The following RYR2 variants were observed in gnomAD, a reference collection of about 807,000 sequenced individuals.
RYR2 encodes cardiac muscle ryanodine receptor-calcium release channel.
A neutral mutation model predicts 601.1 loss-of-function variants in RYR2; 227 were observed. The ratio of observed to expected loss-of-function variants is 0.38; its 90% confidence interval spans 0.34 to 0.42. The LOEUF (loss-of-function observed/expected upper bound fraction) is 0.42. Ranked by LOEUF, RYR2 falls within the 10% of genes least tolerant of loss-of-function variation. RYR2 has a pLI of 1.00. For missense variants in RYR2, 4,646 were observed against 6,156.5 expected, an observed-to-expected ratio of 0.75 and a Z score of 8.21; for synonymous variants, 2,223 against 2,175.1, an observed-to-expected ratio of 1.02 and a Z score of -0.61.
At chr1:237,335,384 T>A (rs1370893481) in intron 3 of RYR2, among the ~76,000 whole-genome samples, 1 of 152,162 alleles carries the variant, frequency 6.6e-6, no homozygotes, top group Non-Finnish European at 1.5e-5. Context: ...AGATATCAAG[T>A]GAGAGGTGAC....
At chr1:237,765,552 A>G (rs12404009) in intron 84 of RYR2, among the ~76,000 whole-genome samples, 7,242 of 152,296 alleles carry the variant, frequency 0.048, 240 homozygotes, top group Admixed American at 0.078. Flanking sequence ...AGCAACACAA[A>G]TTGATTAAGC....
Position 237,700,411 on chromosome 1 carries a change from T to C in RYR2, c.9311T>C (p.Met3104Thr). ...TACACCACAGTGGCCCTGCTGCCAATGCTGTCTTCATTATTTGAACATATT... is the reference window on the plus strand; with the variant it reads ...TACACCACAGTGGCCCTGCTGCCAACGCTGTCTTCATTATTTGAACATATT... ...INYTTVALLP[M>T]LSSLFEHIGQ... The change falls in exon 65 of 105, where the codon ATG becomes ACG. Residue 3104 changes from methionine to threonine, a missense_variant. Physicochemically the swap from Met to Thr is moderately conservative, Grantham distance 81. Around this residue, in one of 17 missense-constraint regions of RYR2, gnomAD observed 1,497 missense variants for 1,842.6 expected, o/e 0.81. Transcript: ENST00000366574. 1 of 1,610,136 alleles carries C rather than the reference T, an allele frequency of 6.2e-7. No homozygotes were observed. Among genetic ancestry groups the C allele is most frequent in the Non-Finnish European group, 8.5e-7 (1 of 1,177,996 alleles).
intron 87 of RYR2, among the ~76,000 whole-genome samples, chr1:237,777,412 C>T (rs1380419397): frequency 1.3e-5 from 2 of 152,176 alleles, no homozygotes; most frequent in African/African-American, 4.8e-5. Context: ...CTCTTCCAAT[C>T]ACTTGTTTCT....
chr1:237,481,127 C>CATATATATATATAT (rs764876848), intron 17 of RYR2, among the ~76,000 whole-genome samples: 13 of 145,476 alleles, frequency 8.9e-5, no homozygotes, highest in East Asian at 2.0e-4. Flanking sequence ...TATATATATA[C>CATATATATATATAT]ACACACATAT....
intron 4 of RYR2, 72 bp from the exon 5 acceptor site, chr1:237,364,286 G>A: frequency 7.3e-7 from 1 of 1,364,826 alleles, no homozygotes; most frequent in Non-Finnish European, 1.0e-6. Flanking sequence ...TTATAAATAA[G>A]AGATATTTTT....
chr1:237,536,482 A>G (rs1572764785), intron 25 of RYR2, among the ~76,000 whole-genome samples: 1 of 152,240 alleles, frequency 6.6e-6, no homozygotes, highest in East Asian at 1.9e-4. Flanking sequence ...TGGGAGGCCG[A>G]GGCGGGCGGA....
intron 6 of RYR2, 26 bp downstream of exon 6, chr1:237,369,634 C>T: frequency 6.5e-7 from 1 of 1,544,682 alleles, no homozygotes. Flanking sequence ...ATTTCATCTC[C>T]CTGTGGTCAT....
intron 3 of RYR2, among the ~76,000 whole-genome samples, chr1:237,355,481 G>A (rs1325848871): frequency 1.3e-5 from 2 of 152,094 alleles, no homozygotes; most frequent in Non-Finnish European, 2.9e-5. Context: ...GTTAAGGCAT[G>A]CCTTTATATT....
chr1:237,756,202 A>G, intron 80 of RYR2, 86 bp from the exon 81 acceptor site: 1 of 811,098 alleles, frequency 1.2e-6, no homozygotes, highest in South Asian at 1.4e-5. Flanking sequence ...GAGCCCATAC[A>G]TGAAGAGATG....
At chr1:237,278,724 A>G (rs1373898519) in intron 2 of RYR2, among the ~76,000 whole-genome samples, 1 of 152,190 alleles carries the variant, frequency 6.6e-6, no homozygotes, top group Admixed American at 6.5e-5. Flanking sequence ...TATAGACTTA[A>G]GCACTGAACA....
chr1:237,366,711 G>GTATA (rs140217740), intron 5 of RYR2, among the ~76,000 whole-genome samples: 39 of 146,414 alleles, frequency 2.7e-4, no homozygotes, highest in Admixed American at 6.1e-4. Context: ...CACACACACT[G>GTATA]TATATATATA....
At chr1:237,225,798 T>C (rs2149163130) in intron 1 of RYR2, among the ~76,000 whole-genome samples, 1 of 152,312 alleles carries the variant, frequency 6.6e-6, no homozygotes, top group Non-Finnish European at 1.5e-5. Flanking sequence ...GGCTCATGCC[T>C]GTAATTCCAG....
intron 25 of RYR2, among the ~76,000 whole-genome samples, chr1:237,543,066 C>T (rs545356793): frequency 2.0e-5 from 3 of 152,258 alleles, no homozygotes; most frequent in African/African-American, 4.8e-5. Flanking sequence ...TATTCAAAAG[C>T]AGAGATTTTA....
chr1:237,395,533 C>CTTTTTGTTTTTTTTTT (rs1702750462), intron 10 of RYR2, among the ~76,000 whole-genome samples: 1 of 87,426 alleles, frequency 1.1e-5, no homozygotes, highest in Non-Finnish European at 2.1e-5. Context: ...GTAGGACTGT[C>CTTTTTGTTTTTTTTTT]TTTTTTTTTT....
At chr1:237,149,064 G>A (rs1331956397) in intron 1 of RYR2, among the ~76,000 whole-genome samples, 2 of 152,136 alleles carry the variant, frequency 1.3e-5, no homozygotes, top group East Asian at 3.9e-4. Flanking sequence ...ATTGTTCAAA[G>A]CATTTCTGGA....
rs145687996 is a variant in RYR2 at position 237,083,376 on chromosome 1, C to T, written c.48+40807C>T. On this transcript the variant is annotated intron_variant, in intron 1 of 104. Transcript: ENST00000366574. ...TCATGCCATGCCACTCTCAGGCAAG[C>T]CAGGTAACCCTCCCTCAGCACTTCT... 8.7e-3 allele frequency among the ~76,000 whole-genome samples: 1,328 copies of T among 152,238 alleles called. 83 individuals are homozygous for T. The highest frequency in any genetic ancestry group is 0.081 in the Admixed American group (1,235 of 15,282).
intron 1 of RYR2, among the ~76,000 whole-genome samples, chr1:237,192,367 G>A (rs909334581): frequency 1.3e-5 from 2 of 151,674 alleles, no homozygotes; most frequent in Non-Finnish European, 2.9e-5. Flanking sequence ...CGCCCACCAC[G>A]CCCGGCTAAT....
rs149829605 is a variant in RYR2 at position 237,522,444 on chromosome 1, C to T, written c.2823-7983C>T. Among the ~76,000 whole-genome samples, 91 of 152,332 alleles carry T rather than the reference C, an allele frequency of 6.0e-4. 1 individual carries two copies. The East Asian group carries it at 0.016, about 27-fold the overall frequency. On this transcript the variant is annotated intron_variant, in intron 24 of 104. Coordinates refer to ENST00000366574, the MANE Select transcript of RYR2 (RefSeq NM_001035.3). ...AGCTTGCCAGATCTAAGGTCAGGTT[C>T]ACTTCTTTCGAACATGTTGTCTGAG...
chr1:237,246,106 A>AT (rs1164960826), intron 1 of RYR2, among the ~76,000 whole-genome samples: 5 of 141,242 alleles, frequency 3.5e-5, no homozygotes, highest in South Asian at 2.2e-4. Context: ...TTTTCTTTTT[A>AT]TTTTTTTGAG....
Sources: allele counts gnomAD v4.1 joint callset (sites outside exome capture counted in the v4.1 genomes callset), GRCh38; gene constraint gnomAD v4.1.1; regional missense constraint gnomAD v4.1.1; transcripts MANE v1.5; gene names NCBI Gene and HGNC (gene_info 2026-07-23, HGNC 2026-07-21).